The following ZBTB20 variants were observed in gnomAD, a reference collection of about 807,000 sequenced individuals.
The protein encoded by ZBTB20 is zinc finger and BTB domain-containing protein 20.
In ZBTB20, 9 loss-of-function variants were observed where a neutral mutation model predicts 56.9. The ratio of observed to expected loss-of-function variants is 0.16; its 90% confidence interval spans 0.10 to 0.28. The LOEUF (loss-of-function observed/expected upper bound fraction) is 0.28. Ranked by LOEUF, ZBTB20 falls within the 10% of genes least tolerant of loss-of-function variation. The pLI, the probability that ZBTB20 is intolerant of heterozygous loss-of-function variation, is 1.00. For synonymous variants in ZBTB20, 417 were observed against 420.7 expected, an observed-to-expected ratio of 0.99 and a Z score of 0.11; for missense variants, 655 against 1,003.0, an observed-to-expected ratio of 0.65 and a Z score of 4.69.
At chr3:114,587,418 AG>A (rs1399057043) in intron 6 of ZBTB20, among the ~76,000 whole-genome samples, 3 of 152,226 alleles carry the variant, frequency 2.0e-5, no homozygotes, top group African/African-American at 7.2e-5. Flanking sequence ...ACTAGACAAA[AG>A]TAATGATGTA....
At chr3:114,702,443 C>A (rs1477912009) in intron 5 of ZBTB20, among the ~76,000 whole-genome samples, 1 of 150,346 alleles carries the variant, frequency 6.7e-6, no homozygotes, top group Non-Finnish European at 1.5e-5. Context: ...TGCATATAAA[C>A]CTATAAATAT....
intron 6 of ZBTB20, among the ~76,000 whole-genome samples, chr3:114,571,408 T>C (rs1316815173): frequency 6.6e-6 from 1 of 152,210 alleles, no homozygotes; most frequent in African/African-American, 2.4e-5. Flanking sequence ...CTAACGCAGA[T>C]CATTAGGTCA....
chr3:114,447,774 T>C (rs1165139725), intron 7 of ZBTB20, among the ~76,000 whole-genome samples: 2 of 152,120 alleles, frequency 1.3e-5, no homozygotes, highest in Non-Finnish European at 2.9e-5. Flanking sequence ...AGTTATCCCA[T>C]TCACTACTTT....
chr3:114,543,732 T>A (rs2049392629), intron 6 of ZBTB20, among the ~76,000 whole-genome samples: 1 of 152,228 alleles, frequency 6.6e-6, no homozygotes, highest in South Asian at 2.1e-4. Flanking sequence ...TTTATACTTT[T>A]AAAATCAAGC....
chr3:114,727,758 A>C (rs1267914963), intron 5 of ZBTB20, among the ~76,000 whole-genome samples: 4 of 152,234 alleles, frequency 2.6e-5, no homozygotes, highest in African/African-American at 9.6e-5. Flanking sequence ...AACTCCAAAA[A>C]TCTCTAAAGA....
At chr3:114,657,800 G>GT (rs201434060) in intron 6 of ZBTB20, among the ~76,000 whole-genome samples, 2,128 of 148,232 alleles carry the variant, frequency 0.014, 46 homozygotes, top group African/African-American at 0.047. Flanking sequence ...TAATTGTGGT[G>GT]TTTTTTTTTT....
chr3:114,813,467 T>C (rs664662), intron 4 of ZBTB20, among the ~76,000 whole-genome samples: 6,585 of 152,174 alleles, frequency 0.043, 491 homozygotes, highest in African/African-American at 0.15. Flanking sequence ...ATAAAAAAAA[T>C]AGGCTAGGCA....
intron 2 of ZBTB20, among the ~76,000 whole-genome samples, chr3:115,058,915 T>C (rs2081915459): frequency 6.6e-6 from 1 of 152,210 alleles, no homozygotes; most frequent in Non-Finnish European, 1.5e-5. Context: ...TTTCTATTGC[T>C]ATGTCTTCAC....
chr3:115,101,537 A>T (rs2083582809), intron 1 of ZBTB20, among the ~76,000 whole-genome samples: 2 of 152,146 alleles, frequency 1.3e-5, no homozygotes, highest in African/African-American at 4.8e-5. Context: ...CCGAATTTTT[A>T]AAAACTAGAC....
chr3:114,933,878 T>C (rs2076441039), intron 3 of ZBTB20, among the ~76,000 whole-genome samples: 1 of 152,146 alleles, frequency 6.6e-6, no homozygotes, highest in Non-Finnish European at 1.5e-5. Context: ...CCCCTCCCCC[T>C]TCGGTATCAG....
intron 4 of ZBTB20, among the ~76,000 whole-genome samples, chr3:114,864,232 T>G (rs2075664015): frequency 6.6e-6 from 1 of 152,074 alleles, no homozygotes; most frequent in African/African-American, 2.4e-5. Flanking sequence ...CCCCAGGAAT[T>G]CTGCTACCAA....
intron 5 of ZBTB20, among the ~76,000 whole-genome samples, chr3:114,773,046 G>C (rs770939544): frequency 6.6e-6 from 1 of 152,158 alleles, no homozygotes; most frequent in African/African-American, 2.4e-5. Flanking sequence ...CTGACATATA[G>C]GGACAGCACA....
At chr3:114,774,548 T>C (rs942892805) in intron 5 of ZBTB20, among the ~76,000 whole-genome samples, 6 of 152,160 alleles carry the variant, frequency 3.9e-5, no homozygotes, top group African/African-American at 1.4e-4. Flanking sequence ...TGTAAGGAGA[T>C]ACCATAATTT....
chr3:114,568,331 G>C (rs2053029622), intron 6 of ZBTB20, among the ~76,000 whole-genome samples: 3 of 152,188 alleles, frequency 2.0e-5, no homozygotes, highest in African/African-American at 4.8e-5. Flanking sequence ...AAAGAGCTAA[G>C]TTTGGAAACC....
chr3:115,024,268 A>G (rs2080323367), intron 2 of ZBTB20, among the ~76,000 whole-genome samples: 1 of 150,998 alleles, frequency 6.6e-6, no homozygotes, highest in African/African-American at 2.4e-5. Context: ...TTTTCCAGGA[A>G]CTATGGTAAG....
chr3:114,707,571 T>C (rs555106785), intron 5 of ZBTB20, among the ~76,000 whole-genome samples: 2 of 152,284 alleles, frequency 1.3e-5, no homozygotes, highest in East Asian at 1.9e-4. Context: ...TAGAACAGTT[T>C]TGAAAATGTC....
At chr3:114,914,198 C>T (rs2075652781) in intron 3 of ZBTB20, among the ~76,000 whole-genome samples, 1 of 151,966 alleles carries the variant, frequency 6.6e-6, no homozygotes, top group Admixed American at 6.6e-5. Context: ...TTGATCCTTC[C>T]AATTCATGAA....
chr3:114,354,369 C>T (rs2080995420), intron 10 of ZBTB20, among the ~76,000 whole-genome samples: 1 of 152,134 alleles, frequency 6.6e-6, no homozygotes, highest in Admixed American at 6.5e-5. Flanking sequence ...CATACATTTG[C>T]TCATAACATT....
intron 6 of ZBTB20, among the ~76,000 whole-genome samples, chr3:114,673,838 T>C (rs2061491076): frequency 6.6e-6 from 1 of 152,180 alleles, no homozygotes; most frequent in Non-Finnish European, 1.5e-5. Context: ...ATCCCCTATT[T>C]GTAGGTAATG....
Sources: gnomAD v4.1 joint callset for allele counts (sites outside exome capture counted in the v4.1 genomes callset) on GRCh38, gnomAD v4.1.1 for gene constraint, MANE v1.5 for transcripts, NCBI Gene and HGNC (gene_info 2026-07-23, HGNC 2026-07-21) for gene names.